Variants in RNF138 observed in about 807,000 individuals in gnomAD.
The protein encoded by RNF138 is E3 ubiquitin-protein ligase RNF138.
RNF138 carries 12 observed loss-of-function variants against 31.0 expected under a neutral mutation model. The ratio of observed to expected loss-of-function variants is 0.39; its 90% CI spans 0.25 to 0.63. RNF138 has a LOEUF of 0.63. RNF138 is among the 20% of genes least tolerant of loss of function. RNF138 has a pLI of 0.52. For synonymous variants in RNF138, 105 were observed against 99.5 expected, an observed-to-expected ratio of 1.06 and a Z score of -0.33; for missense variants, 192 against 300.1, an observed-to-expected ratio of 0.64 and a Z score of 2.66.
chr18:32,099,276 T>C (rs1164732131), intron 2 of RNF138, among the ~76,000 whole-genome samples: 1 of 152,190 alleles, frequency 6.6e-6, no homozygotes, highest in Non-Finnish European at 1.5e-5. Flanking sequence ...TGAAATAAGT[T>C]CTGTCTAGCA....
chr18:32,104,209 C>T (rs1312514054), intron 2 of RNF138, among the ~76,000 whole-genome samples: 1 of 151,742 alleles, frequency 6.6e-6, no homozygotes, highest in African/African-American at 2.4e-5. Context: ...GACAGGGTTT[C>T]ACCATGTTGG....
At chr18:32,113,682 T>G (rs1233951371) in intron 3 of RNF138, 63 bp from the exon 4 acceptor site, 4 of 730,976 alleles carry the variant, frequency 5.5e-6, no homozygotes, top group Non-Finnish European at 8.7e-6. Context: ...TTCCTCTCTT[T>G]ACACTATTTC....
At position 32,092,851 on chromosome 18, in the gene RNF138, C is replaced by T. The variant is rs369363220; in HGVS notation, c.75C>T (p.Leu25=). ...DFYCPVCQEV[L]KTPVRTTACQ... is the part of the protein sequence containing the mutation. ...ACTGCCCCGTCTGTCAGGAGGTGCT[C>T]AAAACGCCCGTGCGGACCACGGCCT... is the stretch of plus-strand genomic sequence containing the variant. The change falls in exon 2 of 8, where the codon CTC becomes CTT. Residue 25 remains leucine (L), a synonymous_variant. Transcript: ENST00000261593. The T allele has an allele frequency of 6.3e-7, 1 of 1,592,450 alleles. No individual in the cohort carries two copies. Among genetic ancestry groups the T allele is most frequent in the African/African-American group, 1.3e-5 (1 of 74,106 alleles).
chr18:32,092,624 T>A (rs1211596242), intron 1 of RNF138, 76 bp from the exon 2 acceptor site: 4 of 630,166 alleles, frequency 6.3e-6, no homozygotes, highest in South Asian at 1.7e-5. Context: ...GGCCCCGCCC[T>A]ACCCAGGGCC....
chr18:32,119,667 G>A (rs1461421220), intron 4 of RNF138, among the ~76,000 whole-genome samples: 2 of 152,000 alleles, frequency 1.3e-5, no homozygotes, highest in East Asian at 1.9e-4. Context: ...CAGGTGATCC[G>A]CCTGCCTTGG....
chr18:32,097,407 A>G (rs979013770), intron 2 of RNF138, among the ~76,000 whole-genome samples: 3 of 152,182 alleles, frequency 2.0e-5, no homozygotes, highest in African/African-American at 4.8e-5. Flanking sequence ...GTAATTTCCT[A>G]TTTGACCAGC....
At chr18:32,107,397 A>G (rs1321125481) in intron 2 of RNF138, among the ~76,000 whole-genome samples, 1 of 151,898 alleles carries the variant, frequency 6.6e-6, no homozygotes, top group Non-Finnish European at 1.5e-5. Context: ...CTGGGATTAC[A>G]GGTGTGAGCC....
At chr18:32,095,028 CGTAG>C (rs1432756689) in intron 2 of RNF138, among the ~76,000 whole-genome samples, 6 of 151,854 alleles carry the variant, frequency 4.0e-5, no homozygotes, top group African/African-American at 1.5e-4. Flanking sequence ...ACTTATTGTA[CGTAG>C]ACAGTTCTGC....
intron 3 of RNF138, among the ~76,000 whole-genome samples, chr18:32,112,720 T>C (rs1466035041): frequency 6.6e-6 from 1 of 152,150 alleles, no homozygotes; most frequent in African/African-American, 2.4e-5. Flanking sequence ...AAATATTTGG[T>C]TAATTTTAAG....
At chr18:32,123,636 A>T in intron 5 of RNF138, 62 bp downstream of exon 5, 6 of 1,052,954 alleles carry the variant, frequency 5.7e-6, no homozygotes, top group Non-Finnish European at 8.2e-6. Context: ...CTTATCAAAT[A>T]GCTTTTTAAA....
rs375453268 is a variant in RNF138, at chr18:32,104,284, A to C, written c.111-7470A>C. 2.7e-3 allele frequency among the ~76,000 whole-genome samples: 406 copies of C among 152,144 alleles called. 2 individuals carry two copies. Among genetic ancestry groups the C allele is most frequent in the African/African-American group, 9.3e-3 (387 of 41,524 alleles). On this transcript the variant is annotated intron_variant, in intron 2 of 7. Transcript: ENST00000261593. ...CACTTCGGCGTCCCAAAGGGCTGAG[A>C]TTACATGCATAAGCCACCAGACCTG... is the stretch of plus-strand genomic sequence containing the variant.
intron 3 of RNF138, among the ~76,000 whole-genome samples, chr18:32,113,241 A>G (rs1401329496): frequency 2.0e-5 from 3 of 152,066 alleles, no homozygotes; most frequent in African/African-American, 4.8e-5. Flanking sequence ...TATTTTTTGT[A>G]TAAACAGGAT....
intron 2 of RNF138, among the ~76,000 whole-genome samples, chr18:32,098,777 C>T (rs951037193): frequency 2.0e-5 from 3 of 149,802 alleles, no homozygotes; most frequent in Non-Finnish European, 4.4e-5. Context: ...GGCATGAACC[C>T]GGGAGGTGGA....
chr18:32,096,919 G>A (rs970330847), intron 2 of RNF138, among the ~76,000 whole-genome samples: 2 of 152,056 alleles, frequency 1.3e-5, no homozygotes, highest in African/African-American at 4.8e-5. Flanking sequence ...TTTTTGTAGA[G>A]ATGGGTCTTG....
In RNF138 at chr18:32,111,873, A is replaced by G. The variant is rs2040137519; in HGVS notation, c.230A>G (p.Asn77Ser). The G allele has an allele frequency of 6.2e-7, 1 of 1,613,620 alleles. No homozygotes were observed. Among genetic ancestry groups the G allele is most frequent in the Non-Finnish European group, 8.5e-7 (1 of 1,179,822 alleles). Reference sequence around the variant, plus strand: ...CCTGAACGGGCCTTAGACCTTGAAAATATAATGAGGAAGTTTTCTGGTAGC... The same window carrying G: ...CCTGAACGGGCCTTAGACCTTGAAAGTATAATGAGGAAGTTTTCTGGTAGC... ...ACPERALDLE[N>S]IMRKFSGSCR... The change falls in exon 3 of 8, where the codon AAT becomes AGT. Residue 77 changes from asparagine to serine, a missense_variant. Asn to Ser is a conservative substitution (Grantham distance 46). Coordinates refer to ENST00000261593, the MANE Select transcript of RNF138 (RefSeq NM_016271.5).
chr18:32,124,816 A>G lies in RNF138; in HGVS notation c.532A>G (p.Ser178Gly). The change falls in exon 6 of 8, where the codon AGT (serine) becomes GGT (glycine). Residue 178 changes from serine to glycine, a missense_variant. Coordinates refer to ENST00000261593, the MANE Select transcript of RNF138 (RefSeq NM_016271.5). Reference protein sequence around the residue: ...TRQRLLDHCNSNHLFQIVPVT... With the variant: ...TRQRLLDHCNGNHLFQIVPVT... ...ACAGCGTTTACTGGATCACTGTAAC[A>G]GTAATCACCTATTTCAGATAGTTCC... The G allele has an allele frequency of 6.3e-7, 1 of 1,584,942 alleles. No homozygotes were observed. Among genetic ancestry groups the G allele is most frequent in the Non-Finnish European group, 8.7e-7 (1 of 1,153,508 alleles).
chr18:32,103,532 T>C (rs183888869), intron 2 of RNF138, among the ~76,000 whole-genome samples: 12 of 152,074 alleles, frequency 7.9e-5, no homozygotes, highest in Admixed American at 4.6e-4. Flanking sequence ...GTACCTGATA[T>C]TCAAGGCACC....
chr18:32,095,803 T>C (rs1320834241), intron 2 of RNF138, among the ~76,000 whole-genome samples: 1 of 152,246 alleles, frequency 6.6e-6, no homozygotes, highest in Non-Finnish European at 1.5e-5. Context: ...GCTCTTTGTC[T>C]GGTGCAGGGA....
chr18:32,103,835 G>A (rs1363417193), intron 2 of RNF138, among the ~76,000 whole-genome samples: 1 of 138,698 alleles, frequency 7.2e-6, no homozygotes, highest in Non-Finnish European at 1.5e-5. Context: ...GCGCGGTGGC[G>A]GGCACCTGTA....
Sources: gnomAD v4.1 joint callset for allele counts (sites outside exome capture counted in the v4.1 genomes callset) on GRCh38, gnomAD v4.1.1 for gene constraint, MANE v1.5 for transcripts, NCBI Gene and HGNC (gene_info 2026-07-23, HGNC 2026-07-21) for gene names.